The following BRAT1 variants were observed in gnomAD, a reference collection of about 807,000 sequenced individuals.
The protein encoded by BRAT1 is integrator complex assembly factor BRAT1.
In BRAT1, 74 loss-of-function variants were observed where a neutral mutation model predicts 70.6. The observed-to-expected ratio is 1.05, with a 90% CI of 0.87 to 1.27. BRAT1 has a LOEUF of 1.27. Among genes scored for constraint, BRAT1 ranks in the 50% most tolerant of loss-of-function variants. The probability of loss-of-function intolerance (pLI) is 0.00; values close to 1 mark genes in which losing one functional copy is unlikely to be tolerated. For synonymous variants in BRAT1, 615 were observed against 517.1 expected (o/e 1.19, Z -2.57); for missense variants, 1,203 against 1,098.2 (o/e 1.10, Z -1.35).
rs767977836 is a variant in BRAT1, at chr7:2,541,278, G to A, written c.1321+20C>T. Reference sequence around the variant, plus strand: ...GGCACAGGGATAGCCCCACGCCAAAGCCGTACAGAACACACTCACCTGTCC... The same window carrying A: ...GGCACAGGGATAGCCCCACGCCAAAACCGTACAGAACACACTCACCTGTCC... On this transcript the variant is annotated intron_variant, in intron 9 of 13. Coordinates refer to ENST00000340611, the MANE Select transcript of BRAT1 (RefSeq NM_152743.4). 5 of 1,554,096 alleles carry A rather than the reference G, an allele frequency of 3.2e-6. No homozygotes were observed. The highest frequency in any genetic ancestry group is 4.3e-6 in the Non-Finnish European group (5 of 1,153,158).
At chr7:2,547,265 G>C in intron 3 of BRAT1, 59 bp downstream of exon 3, 1 of 1,590,646 alleles carries the variant, frequency 6.3e-7, no homozygotes, top group Non-Finnish European at 8.6e-7. Context: ...ACCTGGCTGC[G>C]GGAGGAAAAG....
intron 2 of BRAT1, among the ~76,000 whole-genome samples, chr7:2,552,107 T>TATATATATATA (rs1491344376): frequency 5.2e-3 from 79 of 15,084 alleles, no homozygotes; most frequent in East Asian, 7.1e-3. Context: ...TATATATATA[T>TATATATATATA]TTTTTTTTTT....
intron 3 of BRAT1, among the ~76,000 whole-genome samples, chr7:2,546,780 T>A (rs1006383157): frequency 4.6e-5 from 7 of 152,228 alleles, no homozygotes; most frequent in African/African-American, 1.2e-4. Context: ...AATTAATTTT[T>A]TAAAAAAAAG....
chr7:2,547,457 T>C lies in BRAT1; in HGVS notation c.149A>G (p.Gln50Arg), dbSNP rs747354620. The C allele has an allele frequency of 6.2e-7, 1 of 1,614,008 alleles. No individual in the cohort carries two copies. The highest frequency in any genetic ancestry group is 1.1e-5 in the South Asian group (1 of 91,078). ...CAGCTCCACCAGGCAGGGGTGCTCC[T>C]GCAGCAGCACGACACTGGACTCTGT... ...TEGESSVVLL[Q>R]EHPCLVELLS... The change falls in exon 3 of 14, where the codon CAG (glutamine) becomes CGG (arginine). Residue 50 changes from glutamine to arginine, a missense_variant. Coordinates refer to ENST00000340611, the MANE Select transcript of BRAT1 (RefSeq NM_152743.4).
chr7:2,540,916 CAG>C (rs1488647709), intron 10 of BRAT1, 61 bp downstream of exon 10: 5 of 1,430,602 alleles, frequency 3.5e-6, no homozygotes, highest in African/African-American at 3.0e-5. Flanking sequence ...GGGGTGGAGT[CAG>C]GGGTGGGTCC....
Position 2,539,289 on chromosome 7 carries a change from G to A in BRAT1, c.1660C>T (p.Leu554Phe). The A allele has an allele frequency of 3.1e-6, 5 of 1,612,048 alleles. No individual in the cohort carries two copies. The highest frequency in any genetic ancestry group is 1.1e-5 in the South Asian group (1 of 91,024). Residue 554 changes from leucine (L) to phenylalanine (F), a missense_variant, in exon 13 of 14, where the codon CTC (leucine) becomes TTC (phenylalanine). By Grantham distance (22) the Leu-to-Phe change is conservative. Transcript: ENST00000340611. ...SEVPQLALQL[L>F]QDPESYVRAS... ...CGGACATAACTCTCAGGGTCCTGGA[G>A]GAGCTGCAGGGCCAGCTGAGGCACC... is the stretch of plus-strand genomic sequence containing the variant.
At chr7:2,552,894 C>CTACA (rs1780144319) in intron 2 of BRAT1, among the ~76,000 whole-genome samples, 1 of 143,442 alleles carries the variant, frequency 7.0e-6, no homozygotes, top group African/African-American at 2.8e-5. Flanking sequence ...CCCACCACCA[C>CTACA]GTCTGGCTAT....
chr7:2,539,190 C>T lies in BRAT1; in HGVS notation c.1759G>A (p.Glu587Lys). Residue 587 changes from glutamate (E) to lysine (K), a missense_variant, in exon 13 of 14, where the codon GAG (glutamate) becomes AAG (lysine). By Grantham distance (56) the Glu-to-Lys change is moderately conservative. Transcript: ENST00000340611. ...CTGCCACCTCCTACCTGCCGGGCCT[C>T]TGCATGCTCAGGGCTGGTGGGGGCG... is the stretch of plus-strand genomic sequence containing the variant. The part of the protein sequence containing the change: ...LHAPTSPEHA[E>K]ARQSLFLELL... 1 of 1,603,496 alleles carries T rather than the reference C, an allele frequency of 6.2e-7. No individual in the cohort carries two copies. Among genetic ancestry groups the T allele is most frequent in the Non-Finnish European group, 8.5e-7 (1 of 1,174,600 alleles).
chr7:2,542,026 G>T, intron 7 of BRAT1, 94 bp downstream of exon 7: 2 of 1,280,584 alleles, frequency 1.6e-6, no homozygotes, highest in Non-Finnish European at 2.1e-6. Context: ...TTAAAGTGGG[G>T]CGGGGGTGGC....
rs572428309 is a variant in BRAT1, at chr7:2,553,942, C to G, written c.127+363G>C. 3.9e-5 allele frequency among the ~76,000 whole-genome samples: 6 copies of G among 152,168 alleles called. No individual in the cohort carries two copies. The South Asian group carries it at 1.2e-3, about 32-fold the overall frequency. On this transcript the variant is annotated intron_variant, in intron 2 of 13. Coordinates refer to ENST00000340611, the MANE Select transcript of BRAT1 (RefSeq NM_152743.4). ...GATTACAGGTATGAGCCACTGCATC[C>G]GGCCCCTACTTTCATAATCAGAAAG...
intron 4 of BRAT1, among the ~76,000 whole-genome samples, 185 bp downstream of exon 4, chr7:2,544,724 G>A (rs914340273): frequency 8.5e-5 from 13 of 152,224 alleles, no homozygotes; most frequent in Admixed American, 5.9e-4. Flanking sequence ...TGAGAAAGCC[G>A]TCCTGGCTCC....
chr7:2,551,531 A>G (rs4719568), intron 2 of BRAT1, among the ~76,000 whole-genome samples: 52,881 of 148,132 alleles, frequency 0.36, 9,738 homozygotes, highest in African/African-American at 0.43. Context: ...TCTCTATGGG[A>G]AAAAAAAAAA....
rs1779345468 is a variant in BRAT1, at chr7:2,543,514, G to A, written c.803+76C>T. On this transcript the variant is annotated intron_variant, in intron 5 of 13. Coordinates refer to ENST00000340611, the MANE Select transcript of BRAT1 (RefSeq NM_152743.4). This position sits in a 1 kb window ranked among gnomAD's most constrained non-coding sequence, Gnocchi z 5.5. ...GTCCTCAGAGAGTCTCCGGCTGCCA[G>A]TGGGACATCCCTGGGCGTTATCCGA... 8 of 1,488,740 alleles carry A rather than the reference G, an allele frequency of 5.4e-6. No individual in the cohort carries two copies. Among genetic ancestry groups the A allele is most frequent in the Non-Finnish European group, 7.1e-6 (8 of 1,122,050 alleles). The allele number at this position is 1,488,740 out of a possible 1,614,324, so 92.2% of individuals were successfully genotyped here. A position where few individuals can be genotyped will look rare whatever the true frequency, so the allele number is the denominator to read the frequency against.
At chr7:2,552,294 T>A (rs993871144) in intron 2 of BRAT1, among the ~76,000 whole-genome samples, 3 of 150,264 alleles carry the variant, frequency 2.0e-5, no homozygotes, top group African/African-American at 7.3e-5. Flanking sequence ...ATTCTTGTAT[T>A]TTTAGTAGAG....
At chr7:2,553,167 G>A (rs1476357268) in intron 2 of BRAT1, among the ~76,000 whole-genome samples, 1 of 152,106 alleles carries the variant, frequency 6.6e-6, no homozygotes, top group Non-Finnish European at 1.5e-5. Flanking sequence ...AAGTAGCTGG[G>A]ATTACGGCGC....
intron 6 of BRAT1, chr7:2,542,845 C>T (rs1350906462): frequency 2.8e-5 from 5 of 181,708 alleles, no homozygotes; most frequent in Non-Finnish European, 4.7e-5. Context: ...CCCCCACCCG[C>T]ATGGTGTGTG....
chr7:2,544,788 A>C lies in BRAT1; in HGVS notation c.430+121T>G, dbSNP rs967091164. ...CTGGACAGCCGTACTGTCACAGTGCAGTCTTTGCAACAACCCTGAGACATC... is the reference window on the plus strand; with the variant it reads ...CTGGACAGCCGTACTGTCACAGTGCCGTCTTTGCAACAACCCTGAGACATC... On this transcript the variant is annotated intron_variant, in intron 4 of 13. Transcript: ENST00000340611. The C allele has an allele frequency of 1.4e-5, 19 of 1,407,008 alleles. No individual in the cohort carries two copies. The African/African-American group carries it at 1.9e-4, about 14-fold the overall frequency. The allele number at this position is 1,407,008 out of a possible 1,614,324, so 87.2% of individuals were successfully genotyped here.
intron 10 of BRAT1, 178 bp downstream of exon 10, chr7:2,540,801 G>T: frequency 1.7e-6 from 1 of 576,864 alleles, no homozygotes; most frequent in Non-Finnish European, 2.8e-6. Context: ...TCACCAACAA[G>T]AGGCCCTGGG....
At chr7:2,539,136 G>A (rs956203686) in intron 13 of BRAT1, 43 bp downstream of exon 13, 1 of 1,561,412 alleles carries the variant, frequency 6.4e-7, no homozygotes, top group Non-Finnish European at 8.7e-7. Flanking sequence ...CACACACGAT[G>A]GCCAGGCGGG....
Sources: gnomAD v4.1 joint callset for allele counts (sites outside exome capture counted in the v4.1 genomes callset) on GRCh38, gnomAD v4.1.1 for gene constraint, Gnocchi (gnomAD v3.1) non-coding constraint, MANE v1.5 for transcripts, NCBI Gene and HGNC (gene_info 2026-07-23, HGNC 2026-07-21) for gene names.